IRAG1: variants seen among roughly 807,000 people sequenced by gnomAD.
IRAG1 encodes IP3R-associated cGMP kinase substrate.
A neutral mutation model predicts 106.2 loss-of-function variants in IRAG1; 62 were observed. The observed-to-expected ratio is 0.58, with a 90% confidence interval of 0.48 to 0.72. The LOEUF is 0.72. IRAG1 is among the 30% of genes least tolerant of loss of function. The pLI, the probability that IRAG1 is intolerant of heterozygous loss-of-function variation, is 0.00. For missense variants in IRAG1, 1,064 were observed against 1,140.7 expected, an observed-to-expected ratio of 0.93 and a Z score of 0.97; for synonymous variants, 462 against 443.9, an observed-to-expected ratio of 1.04 and a Z score of -0.51.
chr11:10,590,026 A>G (rs756313174), intron 18 of IRAG1, among the ~76,000 whole-genome samples: 45 of 152,154 alleles, frequency 3.0e-4, no homozygotes, highest in Non-Finnish European at 1.0e-4. Context: ...CTGCAGGCCT[A>G]GAGTTGGGAA....
chr11:10,596,209 TAGTTGTTCTTTCAGCGAGGGTCTATGAG>T (rs1009145457), intron 15 of IRAG1, among the ~76,000 whole-genome samples: 15 of 152,362 alleles, frequency 9.8e-5, no homozygotes, highest in African/African-American at 3.6e-4. Context: ...GTACATCCTC[TAGTTGTTCTTTCAGCGAGGGTCTATGAG>T]AGGTAAACTT....
At chr11:10,680,381 G>A (rs1266416171) in intron 1 of IRAG1, among the ~76,000 whole-genome samples, 1 of 75,470 alleles carries the variant, frequency 1.3e-5, no homozygotes, top group African/African-American at 8.2e-5. Flanking sequence ...AGGAAGGAAG[G>A]AAGGAAGGAA....
At chr11:10,687,875 TTG>T in intron 1 of IRAG1, 2 of 1,122,718 alleles carry the variant, frequency 1.8e-6, no homozygotes, top group South Asian at 1.4e-5. Context: ...TTGCTTTTTT[TTG>T]GGGGGGGGTG....
chr11:10,617,460 T>C (rs1258027067), intron 10 of IRAG1, among the ~76,000 whole-genome samples: 3 of 152,186 alleles, frequency 2.0e-5, no homozygotes, highest in African/African-American at 7.2e-5. Context: ...ATTTTGGTAA[T>C]TGCTTCCTCC....
chr11:10,649,079 G>A (rs1178238786), intron 2 of IRAG1, among the ~76,000 whole-genome samples: 1 of 152,202 alleles, frequency 6.6e-6, no homozygotes. Context: ...TTCCTTGGCT[G>A]CCTGGCCTCG....
At chr11:10,643,068 G>A (rs553457280) in intron 2 of IRAG1, among the ~76,000 whole-genome samples, 2 of 150,868 alleles carry the variant, frequency 1.3e-5, no homozygotes, top group East Asian at 1.9e-4. Context: ...CCAGCTACTC[G>A]GGAAGCTGAG....
At chr11:10,588,618 T>C (rs1439610348) in intron 18 of IRAG1, among the ~76,000 whole-genome samples, 1 of 152,370 alleles carries the variant, frequency 6.6e-6, no homozygotes, top group East Asian at 1.9e-4. Flanking sequence ...CCCAAAGTGC[T>C]GGGGTTACAG....
chr11:10,602,669 A>C (rs1463293439), intron 14 of IRAG1, among the ~76,000 whole-genome samples: 3 of 152,216 alleles, frequency 2.0e-5, no homozygotes, highest in Non-Finnish European at 4.4e-5. Context: ...TAATGAGACA[A>C]AGCAGGTTTT....
At chr11:10,685,887 A>C (rs1159317877) in intron 1 of IRAG1, among the ~76,000 whole-genome samples, 1 of 152,148 alleles carries the variant, frequency 6.6e-6, no homozygotes, top group Non-Finnish European at 1.5e-5. Flanking sequence ...TCCTTGGGGA[A>C]GTCTCTTAGA....
chr11:10,582,524 CT>C (rs1342770866), intron 18 of IRAG1, among the ~76,000 whole-genome samples: 1 of 152,166 alleles, frequency 6.6e-6, no homozygotes, highest in African/African-American at 2.4e-5. Context: ...CAAATAATAA[CT>C]TTTATGAAAG....
At chr11:10,653,831 C>T (rs1057480269) in intron 1 of IRAG1, among the ~76,000 whole-genome samples, 2 of 152,162 alleles carry the variant, frequency 1.3e-5, no homozygotes, top group Non-Finnish European at 2.9e-5. Context: ...TCCTTAAACT[C>T]CCTCCTTCTT....
chr11:10,686,193 T>C (rs10770135), intron 1 of IRAG1, among the ~76,000 whole-genome samples: 28,142 of 152,148 alleles, frequency 0.18, 3,241 homozygotes, highest in Non-Finnish European at 0.26. Flanking sequence ...CAGGTATAAG[T>C]ACTTTAGATC....
chr11:10,629,928 A>G (rs1856558361), intron 4 of IRAG1: 2 of 545,720 alleles, frequency 3.7e-6, no homozygotes, highest in Non-Finnish European at 6.4e-6. Context: ...CTCCGTCACA[A>G]ATGGTCCTGG....
At chr11:10,620,867 A>G (rs1292787247) in intron 10 of IRAG1, among the ~76,000 whole-genome samples, 3 of 152,220 alleles carry the variant, frequency 2.0e-5, no homozygotes, top group Non-Finnish European at 1.5e-5. Context: ...ATAATTGTTT[A>G]TACTAGCATT....
intron 1 of IRAG1, among the ~76,000 whole-genome samples, chr11:10,655,004 A>G (rs1361382048): frequency 6.6e-6 from 1 of 152,082 alleles, no homozygotes; most frequent in Non-Finnish European, 1.5e-5. Flanking sequence ...TATCATCTTT[A>G]CTTGGATTTC....
chr11:10,654,996 T>A (rs773491401), intron 1 of IRAG1, among the ~76,000 whole-genome samples: 5 of 152,170 alleles, frequency 3.3e-5, no homozygotes, highest in Non-Finnish European at 7.4e-5. Flanking sequence ...TTAATTTCTA[T>A]CATCTTTACT....
At chr11:10,684,933 G>A (rs529794128) in intron 1 of IRAG1, among the ~76,000 whole-genome samples, 2 of 152,304 alleles carry the variant, frequency 1.3e-5, no homozygotes, top group South Asian at 4.1e-4. Flanking sequence ...ACAGCAAAGA[G>A]AAAGGCTTGT....
At chr11:10,688,754 A>G (rs1176857957) in intron 1 of IRAG1, among the ~76,000 whole-genome samples, 1 of 152,170 alleles carries the variant, frequency 6.6e-6, no homozygotes, top group African/African-American at 2.4e-5. Context: ...ACTCATTTAT[A>G]CACTATGCTC....
In IRAG1 at chr11:10,576,235, G is replaced by C. The variant is rs1472735908; in HGVS notation, c.*97C>G. ...CCTTCCTCATGACCTGATGGGATGGGCGGCAGTGTGTCCACACTTGGGCCT... is the reference window on the plus strand; with the variant it reads ...CCTTCCTCATGACCTGATGGGATGGCCGGCAGTGTGTCCACACTTGGGCCT... On this transcript the variant is annotated 3_prime_UTR_variant, in exon 21 of 21. Transcript: ENST00000423302. The C allele has an allele frequency of 1.1e-5, 16 of 1,508,506 alleles. No individual in the cohort carries two copies. The East Asian group carries it at 3.5e-4, about 33-fold the overall frequency. 93.4% of individuals were successfully genotyped at this position (1,508,506 alleles called of 1,614,324 possible).
Sources: allele counts gnomAD v4.1 joint callset (sites outside exome capture counted in the v4.1 genomes callset), GRCh38; gene constraint gnomAD v4.1.1; transcripts MANE v1.5; gene names NCBI Gene and HGNC (gene_info 2026-07-23, HGNC 2026-07-21).